PMS1: variants seen among roughly 807,000 people sequenced by gnomAD.
The protein encoded by PMS1 is PMS1 homolog 1, mismatch repair system component, also known as PMS1 protein homolog 1.
PMS1 carries 79 observed loss-of-function variants against 93.1 expected under a neutral mutation model. The ratio of observed to expected loss-of-function variants is 0.85; its 90% CI spans 0.71 to 1.02. The LOEUF is 1.02. PMS1 is among the 50% of genes least tolerant of loss of function. The pLI, the probability that PMS1 is intolerant of heterozygous loss-of-function variation, is 0.00. For synonymous variants in PMS1, 335 were observed against 363.4 expected (o/e 0.92, Z 0.89); for missense variants, 1,064 against 1,085.3 (o/e 0.98, Z 0.28).
At chr2:189,796,228 C>T (rs1179166218) in intron 3 of PMS1, among the ~76,000 whole-genome samples, 1 of 151,958 alleles carries the variant, frequency 6.6e-6, no homozygotes, top group Non-Finnish European at 1.5e-5. Flanking sequence ...TATGGTGCCT[C>T]ACGTCTGTAG....
chr2:189,826,862 C>T (rs5743059), intron 5 of PMS1, among the ~76,000 whole-genome samples: 1 of 152,062 alleles, frequency 6.6e-6, no homozygotes, highest in Non-Finnish European at 1.5e-5. Flanking sequence ...GTGTTAAAGC[C>T]AAAATAGTAA....
At chr2:189,871,649 C>G (rs1172253701) in intron 11 of PMS1, among the ~76,000 whole-genome samples, 1 of 152,218 alleles carries the variant, frequency 6.6e-6, no homozygotes, top group Non-Finnish European at 1.5e-5. Flanking sequence ...TCTGAGCTTT[C>G]AAACTCTTCC....
intron 9 of PMS1, among the ~76,000 whole-genome samples, chr2:189,859,603 T>G (rs2055731891): frequency 6.6e-6 from 1 of 152,196 alleles, no homozygotes; most frequent in Admixed American, 6.5e-5. Context: ...GTGCTAGGTC[T>G]TTGGCCCTGG....
intron 3 of PMS1, among the ~76,000 whole-genome samples, chr2:189,797,553 G>A (rs2049471250): frequency 6.6e-6 from 1 of 152,174 alleles, no homozygotes; most frequent in Non-Finnish European, 1.5e-5. Context: ...AGGTGACAGG[G>A]TGATTGTGAG....
At chr2:189,799,438 C>T (rs1287636202) in intron 3 of PMS1, among the ~76,000 whole-genome samples, 1 of 152,146 alleles carries the variant, frequency 6.6e-6, no homozygotes, top group Non-Finnish European at 1.5e-5. Flanking sequence ...TTCCCTCATA[C>T]CCACTCCCAG....
chr2:189,840,469 A>T (rs939260875), intron 5 of PMS1, among the ~76,000 whole-genome samples: 2 of 152,228 alleles, frequency 1.3e-5, no homozygotes. Flanking sequence ...TATAGGCCAA[A>T]TGTAAAATAT....
intron 7 of PMS1, 62 bp downstream of exon 7, chr2:189,852,839 C>A (rs745498091): frequency 9.6e-7 from 1 of 1,046,724 alleles, no homozygotes; most frequent in Non-Finnish European, 1.5e-6. Flanking sequence ...GTAACAAGGA[C>A]TGCTTCCAAG....
intron 9 of PMS1, among the ~76,000 whole-genome samples, chr2:189,856,172 G>A (rs554433586): frequency 2.7e-5 from 4 of 147,850 alleles, no homozygotes; most frequent in Non-Finnish European, 4.5e-5. Flanking sequence ...TTTTTTAAGT[G>A]GGAATGGTTA....
chr2:189,818,187 A>T lies in PMS1; in HGVS notation c.582+7A>T, dbSNP rs759762700. ...TGTCTTTGTACATAACAAGGTAAAC[A>T]TTATTTTATCTTTATAAGTTTCTGG... On this transcript the variant is annotated splice_region_variant and intron_variant, in intron 5 of 12. Coordinates refer to ENST00000441310, the MANE Select transcript of PMS1 (RefSeq NM_000534.5). The T allele has an allele frequency of 6.5e-7, 1 of 1,547,130 alleles. No individual in the cohort carries two copies. Among genetic ancestry groups the T allele is most frequent in the Admixed American group, 1.7e-5 (1 of 59,724 alleles).
At position 189,867,926 on chromosome 2, in the gene PMS1, C is replaced by T; in HGVS notation, c.2470C>T (p.Pro824Ser). ...GAATGGTTTCAAGATAAAATTGATA[C>T]CAGGTATGATAGTGTGGTTTAATAT... ...TANGFKIKLI[P>S]GVSITENYLE... Residue 824 changes from proline (P) to serine (S), a missense_variant, in exon 11 of 13, where the codon CCA becomes TCA. Physicochemically the swap from Pro to Ser is moderately conservative, Grantham distance 74. Transcript: ENST00000441310. The T allele has an allele frequency of 6.2e-7, 1 of 1,608,582 alleles. No homozygotes were observed. Among genetic ancestry groups the T allele is most frequent in the Non-Finnish European group, 8.5e-7 (1 of 1,175,104 alleles).
intron 5 of PMS1, among the ~76,000 whole-genome samples, chr2:189,833,471 A>C (rs535912838): frequency 1.9e-4 from 29 of 152,248 alleles, no homozygotes; most frequent in African/African-American, 5.8e-4. Context: ...AGTCCCAGCT[A>C]CTCAGGAGGC....
At chr2:189,858,528 C>A (rs1387201293) in intron 9 of PMS1, among the ~76,000 whole-genome samples, 2 of 152,038 alleles carry the variant, frequency 1.3e-5, no homozygotes, top group African/African-American at 4.8e-5. Flanking sequence ...CTTAATATTC[C>A]TTTGGACATA....
At chr2:189,842,649 T>C (rs2053910130) in intron 5 of PMS1, among the ~76,000 whole-genome samples, 1 of 152,158 alleles carries the variant, frequency 6.6e-6, no homozygotes, top group South Asian at 2.1e-4. Context: ...TCAGACACAC[T>C]TCCAAATTAC....
intron 5 of PMS1, among the ~76,000 whole-genome samples, chr2:189,827,850 G>C (rs1360711438): frequency 6.6e-6 from 1 of 152,072 alleles, no homozygotes; most frequent in Non-Finnish European, 1.5e-5. Flanking sequence ...GGGAGGGGAG[G>C]GAGAAGGAGG....
At chr2:189,786,752 G>A (rs1410618850) in intron 1 of PMS1, among the ~76,000 whole-genome samples, 1 of 152,142 alleles carries the variant, frequency 6.6e-6, no homozygotes, top group African/African-American at 2.4e-5. Context: ...AAGAAATATA[G>A]GAAGAAAGTT....
In PMS1 at chr2:189,818,039, A is replaced by T. The variant is rs2051480227; in HGVS notation, c.441A>T (p.Arg147Ser). ...CAGGTACAACTGTAACTGCTTTAAG[A>T]TTATTTAAGAATCTACCTGTAAGAA... ...LGQGTTVTAL[R>S]LFKNLPVRKQ... Residue 147 changes from arginine to serine, a missense_variant, in exon 5 of 13, where the codon AGA (arginine) becomes AGT (serine). Coordinates refer to ENST00000441310, the MANE Select transcript of PMS1 (RefSeq NM_000534.5). 2 of 1,610,454 alleles carry T rather than the reference A, an allele frequency of 1.2e-6. No homozygotes were observed. Among genetic ancestry groups the T allele is most frequent in the African/African-American group, 2.7e-5 (2 of 74,860 alleles).
At position 189,854,557 on chromosome 2, in the gene PMS1, G is replaced by A; in HGVS notation, c.1285G>A (p.Asp429Asn). 6.2e-7 allele frequency: 1 copy of A among 1,613,306 alleles called. No individual in the cohort carries two copies. The highest frequency in any genetic ancestry group is 8.5e-7 in the Non-Finnish European group (1 of 1,179,468). ...TTGTAGTAGTGAAATTTCTAACATT[G>A]ATAAAAACACTAAGAATGCATTTCA... Reference protein sequence around the residue: ...GHCSSEISNIDKNTKNAFQDI... With the variant: ...GHCSSEISNINKNTKNAFQDI... The change falls in exon 9 of 13, where the codon GAT becomes AAT. Residue 429 changes from aspartate (D) to asparagine (N), a missense_variant. Asp to Asn is a conservative substitution (Grantham distance 23, BLOSUM62 1). Transcript: ENST00000441310.
chr2:189,794,512 A>G (rs1398968080), intron 2 of PMS1, among the ~76,000 whole-genome samples: 1 of 152,240 alleles, frequency 6.6e-6, no homozygotes, highest in African/African-American at 2.4e-5. Flanking sequence ...TTGCCGACAT[A>G]TACAGTATTA....
chr2:189,849,713 A>G (rs1181248329), intron 6 of PMS1, among the ~76,000 whole-genome samples: 1 of 152,080 alleles, frequency 6.6e-6, no homozygotes, highest in East Asian at 1.9e-4. Flanking sequence ...GACACCAGGT[A>G]TCATATTAGT....
Sources: gnomAD v4.1 joint callset for allele counts (sites outside exome capture counted in the v4.1 genomes callset) on GRCh38, gnomAD v4.1.1 for gene constraint, MANE v1.5 for transcripts, NCBI Gene and HGNC (gene_info 2026-07-23, HGNC 2026-07-21) for gene names.